NPFFR1: variants seen among roughly 807,000 people sequenced by gnomAD.
NPFFR1 encodes neuropeptide FF receptor 1, also known as G-protein coupled receptor 147.
Under a neutral mutation model 12.7 loss-of-function variants are expected in NPFFR1, and 17 were observed. The ratio of observed to expected loss-of-function variants is 1.34; its 90% CI spans 0.92 to 2.01. The LOEUF (loss-of-function observed/expected upper bound fraction) is 2.01. Ranked by LOEUF, NPFFR1 falls within the 30% of genes most tolerant of loss-of-function variation. NPFFR1 has a pLI of 0.00. For synonymous variants in NPFFR1, 296 were observed against 264.5 expected, an observed-to-expected ratio of 1.12 and a Z score of -1.16; for missense variants, 604 against 606.5, an observed-to-expected ratio of 1.00 and a Z score of 0.04.
rs1343709243 is a variant in NPFFR1 at position 70,248,478 on chromosome 10, GTTTTTTGTTT to G, written c.*6469_*6478del. 3 of 60,608 alleles carry G rather than the reference GTTTTTTGTTT, an allele frequency of 4.9e-5. No homozygotes were observed. Among genetic ancestry groups the G allele is most frequent in the African/African-American group, 1.7e-4 (3 of 17,992 alleles). The allele number at this position is 60,608 out of a possible 1,614,324, so 3.8% of individuals were successfully genotyped here. A position where few individuals can be genotyped will look rare whatever the true frequency, so the allele number is the denominator to read the frequency against. On this transcript the variant is annotated 3_prime_UTR_variant, in exon 4 of 4. Transcript: ENST00000277942. ...GTACTATGCCTGGCGTTTTTTTTTT[GTTTTTTGTTT>G]TTTTTTTTTTTTTTTGAGATGGAGT...
chr10:70,267,131 C>A lies in NPFFR1; in HGVS notation c.8-740G>T, dbSNP rs74904469. Reference sequence around the variant, plus strand: ...ATTATACCCTCAAACTCTTTGATGTCGTTCCCCTTCATCTCCTCCATGGAA... The same window carrying A: ...ATTATACCCTCAAACTCTTTGATGTAGTTCCCCTTCATCTCCTCCATGGAA... On this transcript the variant is annotated intron_variant, in intron 1 of 3. Transcript: ENST00000277942. Among the ~76,000 whole-genome samples, 1,027 of 152,284 alleles carry A rather than the reference C, an allele frequency of 6.7e-3. 9 individuals carry two copies. The highest frequency in any genetic ancestry group is 0.023 in the African/African-American group (962 of 41,548).
chr10:70,280,347 C>T (rs997086165), intron 1 of NPFFR1, among the ~76,000 whole-genome samples: 8 of 152,322 alleles, frequency 5.3e-5, no homozygotes, highest in African/African-American at 1.9e-4. Context: ...TTCCCACCAA[C>T]ACCACACAAG....
intron 2 of NPFFR1, among the ~76,000 whole-genome samples, chr10:70,264,781 G>T (rs12355480): frequency 0.24 from 36,902 of 152,176 alleles, 5,559 homozygotes; most frequent in South Asian, 0.43. Flanking sequence ...GGACAGGGGC[G>T]GAAGGGAGAT....
At chr10:70,283,613 A>G in intron 1 of NPFFR1, 57 bp downstream of exon 1, 1 of 1,496,084 alleles carries the variant, frequency 6.7e-7, no homozygotes, top group African/African-American at 1.4e-5. Flanking sequence ...CCTTCGCCCC[A>G]TGCCCCGGAG....
At chr10:70,277,333 A>G (rs1413045554) in intron 1 of NPFFR1, among the ~76,000 whole-genome samples, 4 of 152,226 alleles carry the variant, frequency 2.6e-5, no homozygotes, top group Non-Finnish European at 5.9e-5. Context: ...AACCAGGGCA[A>G]TCTGTGCCTC....
chr10:70,250,331 G>GT lies in NPFFR1; in HGVS notation c.*4625dup, dbSNP rs757067091. On this transcript the variant is annotated 3_prime_UTR_variant, in exon 4 of 4. Coordinates refer to ENST00000277942, the MANE Select transcript of NPFFR1 (RefSeq NM_022146.5). ...AGCGACTTTGGAAAGCACTTTGGCA[G>GT]TTTCTTATACAGTTAAATTTTACAC... 7.2e-5 allele frequency: 11 copies of GT among 152,302 alleles called. 1 individual carries two copies. The highest frequency in any genetic ancestry group is 4.1e-4 in the South Asian group (2 of 4,830). The allele number at this position is 152,302 out of a possible 1,614,324, so 9.4% of individuals were successfully genotyped here. A position where few individuals can be genotyped will look rare whatever the true frequency, so the allele number is the denominator to read the frequency against.
intron 1 of NPFFR1, among the ~76,000 whole-genome samples, chr10:70,270,436 G>T (rs1840734321): frequency 6.6e-6 from 1 of 152,198 alleles, no homozygotes; most frequent in African/African-American, 2.4e-5. Context: ...GGGTATGGAT[G>T]GGCAGAGGAA....
chr10:70,266,369 G>A lies in NPFFR1; in HGVS notation c.30C>T (p.Asn10=), dbSNP rs1840690924. The A allele has an allele frequency of 3.1e-6, 5 of 1,613,278 alleles. No homozygotes were observed. Among genetic ancestry groups the A allele is most frequent in the Non-Finnish European group, 4.2e-6 (5 of 1,179,532 alleles). ...CATTCTGACTTAGGGGCCAACTGCT[G>A]TTGGGAGGCTGGGAGGGCTCCCCTA... MEGEPSQPP[N]SSWPLSQNGT... The change falls in exon 2 of 4, where the codon AAC becomes AAT. Residue 10 remains asparagine, a synonymous_variant. Coordinates refer to ENST00000277942, the MANE Select transcript of NPFFR1 (RefSeq NM_022146.5).
At chr10:70,261,595 C>T (rs572182827) in intron 2 of NPFFR1, among the ~76,000 whole-genome samples, 118 of 152,242 alleles carry the variant, frequency 7.8e-4, no homozygotes, top group South Asian at 1.7e-3. Context: ...AGCTTTAGAC[C>T]GTCCAGCCCT....
intron 3 of NPFFR1, among the ~76,000 whole-genome samples, chr10:70,259,950 C>T (rs1234996742): frequency 6.6e-6 from 1 of 152,184 alleles, no homozygotes; most frequent in Non-Finnish European, 1.5e-5. Context: ...GCCTGCCCAC[C>T]TTTCCCTGGG....
At chr10:70,268,998 C>G (rs1170069984) in intron 1 of NPFFR1, among the ~76,000 whole-genome samples, 1 of 152,136 alleles carries the variant, frequency 6.6e-6, no homozygotes, top group Non-Finnish European at 1.5e-5. Context: ...GTTCACAGGT[C>G]CCCAGTCTGT....
Position 70,254,000 on chromosome 10 carries a change from T to C in NPFFR1, c.*957A>G, listed in dbSNP as rs1290389405. ...CAGCTTCAGTTGACCAACTTCTCCC[T>C]CCCAGGAAGCAGGGAGGAGAGAGAC... On this transcript the variant is annotated 3_prime_UTR_variant, in exon 4 of 4. Transcript: ENST00000277942. 1 of 152,146 alleles carries C rather than the reference T, an allele frequency of 6.6e-6. No homozygotes were observed. Among genetic ancestry groups the C allele is most frequent in the Non-Finnish European group, 1.5e-5 (1 of 68,038 alleles). The allele number at this position is 152,146 out of a possible 1,614,324, so 9.4% of individuals were successfully genotyped here. A position where few individuals can be genotyped will look rare whatever the true frequency, so the allele number is the denominator to read the frequency against.
Position 70,255,614 on chromosome 10 carries a change from C to T in NPFFR1, c.636G>A (p.Met212Ile). Residue 212 changes from methionine to isoleucine, a missense_variant, in exon 4 of 4, where the codon ATG (methionine) becomes ATA (isoleucine). Met to Ile is a conservative substitution (Grantham distance 10). Coordinates refer to ENST00000277942, the MANE Select transcript of NPFFR1 (RefSeq NM_022146.5). This position sits in a 1 kb window ranked among gnomAD's most constrained non-coding sequence, Gnocchi z 4.2. ...AGAGCACAGTGGTGTAGACCCTGCG[C>T]ATGCCCTTCTCGGGCCAGGCCTCCC... is the stretch of plus-strand genomic sequence containing the variant. ...SCWEAWPEKGMRRVYTTVLFS... is the reference protein window; with the variant it reads ...SCWEAWPEKGIRRVYTTVLFS... 1 of 1,568,018 alleles carries T rather than the reference C, an allele frequency of 6.4e-7. No homozygotes were observed. The highest frequency in any genetic ancestry group is 8.6e-7 in the Non-Finnish European group (1 of 1,156,810).
rs1840536798 is a variant in NPFFR1 at position 70,253,933 on chromosome 10, T to A, written c.*1024A>T. On this transcript the variant is annotated 3_prime_UTR_variant, in exon 4 of 4. Transcript: ENST00000277942. Reference sequence around the variant, plus strand: ...AAGTCATTTGTGCTGGGGAAGAGTTTAGTGTGTGTCCTTCAGGAGTCTCCA... The same window carrying A: ...AAGTCATTTGTGCTGGGGAAGAGTTAAGTGTGTGTCCTTCAGGAGTCTCCA... 1.3e-5 allele frequency: 2 copies of A among 152,142 alleles called. No individual in the cohort carries two copies. The highest frequency in any genetic ancestry group is 1.3e-4 in the Admixed American group (2 of 15,282). 9.4% of individuals were successfully genotyped at this position (152,142 alleles called of 1,614,324 possible).
chr10:70,281,540 TCAAA>T (rs1840862350), intron 1 of NPFFR1, among the ~76,000 whole-genome samples: 1 of 152,214 alleles, frequency 6.6e-6, no homozygotes, highest in South Asian at 2.1e-4. Flanking sequence ...AGCAGGAGAA[TCAAA>T]CAAAGATGTT....
At position 70,277,183 on chromosome 10, in the gene NPFFR1, C is replaced by T. The variant is rs117601017; in HGVS notation, c.7+6487G>A. Among the ~76,000 whole-genome samples, 893 of 152,342 alleles carry T rather than the reference C, an allele frequency of 5.9e-3. 4 individuals are homozygous for T. The highest frequency in any genetic ancestry group is 0.013 in the Admixed American group (205 of 15,304). Reference sequence around the variant, plus strand: ...CTGCCTCCCCAGCAGCAGCTGAGACCCTTCCCATTCTTCCCTCCCAGTAAG... The same window carrying T: ...CTGCCTCCCCAGCAGCAGCTGAGACTCTTCCCATTCTTCCCTCCCAGTAAG... On this transcript the variant is annotated intron_variant, in intron 1 of 3. Transcript: ENST00000277942.
In NPFFR1 at chr10:70,249,913, C is replaced by CTTTTTTTT. The variant is rs34524848; in HGVS notation, c.*5036_*5043dup. 4.7e-5 allele frequency: 6 copies of CTTTTTTTT among 128,498 alleles called. No homozygotes were observed. The highest frequency in any genetic ancestry group is 1.6e-4 in the Admixed American group (2 of 12,844). 8.0% of individuals were successfully genotyped at this position (128,498 alleles called of 1,614,324 possible). On this transcript the variant is annotated 3_prime_UTR_variant, in exon 4 of 4. Coordinates refer to ENST00000277942, the MANE Select transcript of NPFFR1 (RefSeq NM_022146.5). ...ATTTTCTTTTCTTCTTTCTTTCTTTCTTTTTTTTTTTTTTTTTGAGACAGT... is the reference window on the plus strand; with the variant it reads ...ATTTTCTTTTCTTCTTTCTTTCTTTCTTTTTTTTTTTTTTTTTTTTTTTTTGAGACAGT...
intron 2 of NPFFR1, among the ~76,000 whole-genome samples, chr10:70,262,414 G>A (rs1403837251): frequency 3.3e-5 from 5 of 152,098 alleles, no homozygotes; most frequent in African/African-American, 7.2e-5. Flanking sequence ...TACTATAACA[G>A]CAAAAAGAAC....
intron 1 of NPFFR1, among the ~76,000 whole-genome samples, chr10:70,275,093 T>C (rs1356827429): frequency 6.6e-6 from 1 of 152,198 alleles, no homozygotes; most frequent in Non-Finnish European, 1.5e-5. Context: ...AGGTTGCCCT[T>C]CCAAGAATCA....
Sources: gnomAD v4.1 joint callset for allele counts (sites outside exome capture counted in the v4.1 genomes callset) on GRCh38, gnomAD v4.1.1 for gene constraint, Gnocchi (gnomAD v3.1) non-coding constraint, MANE v1.5 for transcripts, NCBI Gene and HGNC (gene_info 2026-07-23, HGNC 2026-07-21) for gene names.